The following CACNA1C variants were observed in gnomAD, a reference collection of about 807,000 sequenced individuals.
The protein encoded by CACNA1C is voltage-dependent L-type calcium channel subunit alpha-1C.
A neutral mutation model predicts 229.0 loss-of-function variants in CACNA1C; 30 were observed. The ratio of observed to expected loss-of-function variants is 0.13; its 90% CI spans 0.10 to 0.18. The LOEUF is 0.18. Ranked by LOEUF, CACNA1C falls within the 10% of genes least tolerant of loss-of-function variation. The pLI is 1.00. For synonymous variants in CACNA1C, 1,114 were observed against 1,132.5 expected (o/e 0.98, Z 0.33); for missense variants, 1,658 against 2,845.0 (o/e 0.58, Z 9.49).
intron 30 of CACNA1C, among the ~76,000 whole-genome samples, chr12:2,635,425 G>A (rs761063324): frequency 7.2e-5 from 11 of 152,172 alleles, no homozygotes; most frequent in Non-Finnish European, 1.2e-4. Flanking sequence ...ACTTGGTAAT[G>A]TTTGCATAGA....
chr12:2,553,712 C>T (rs557535400), intron 10 of CACNA1C, among the ~76,000 whole-genome samples: 18 of 152,142 alleles, frequency 1.2e-4, no homozygotes, highest in Non-Finnish European at 1.9e-4. Flanking sequence ...TGTGGTATCG[C>T]GGGCAACATT....
chr12:2,176,180 G>A (rs1201698709), intron 3 of CACNA1C, among the ~76,000 whole-genome samples: 1 of 152,126 alleles, frequency 6.6e-6, no homozygotes, highest in Admixed American at 6.5e-5. Flanking sequence ...CTCAGGAGGT[G>A]ACATTTAAGC....
At chr12:2,326,188 CA>C (rs2096283871) in intron 3 of CACNA1C, among the ~76,000 whole-genome samples, 1 of 151,864 alleles carries the variant, frequency 6.6e-6, no homozygotes, top group Non-Finnish European at 1.5e-5. Context: ...AGAGAGAGAG[CA>C]GAGAAATGGT....
At chr12:2,044,990 A>G (rs2050812959) in intron 1 of CACNA1C, among the ~76,000 whole-genome samples, 1 of 152,214 alleles carries the variant, frequency 6.6e-6, no homozygotes, top group African/African-American at 2.4e-5. Context: ...TTTATTATTC[A>G]TCCTTGGGTG....
intron 3 of CACNA1C, among the ~76,000 whole-genome samples, chr12:2,421,002 G>C (rs993092523): frequency 1.3e-5 from 2 of 152,060 alleles, no homozygotes; most frequent in Admixed American, 1.3e-4. Context: ...TTTTAAAATG[G>C]CCATAATAGC....
rs755167125 is a variant in CACNA1C, at chr12:2,566,471, G to T, written c.1558G>T (p.Ala520Ser). 2 of 1,595,588 alleles carry T rather than the reference G, an allele frequency of 1.3e-6. No homozygotes were observed. Among genetic ancestry groups the T allele is most frequent in the Non-Finnish European group, 1.7e-6 (2 of 1,171,044 alleles). ...GTTCTGCAGAAGGAAGTGCCGCGCC[G>T]CAGTCAAGTCTAATGTCTTCTACTG... ...NRFCRRKCRA[A>S]VKSNVFYWLV... The change falls in exon 12 of 47, where the codon GCA (alanine) becomes TCA (serine). Residue 520 changes from alanine (A) to serine (S), a missense_variant. This residue lies in a region of CACNA1C where 149 missense variants were observed against 194.2 expected (regional missense o/e 0.77). Coordinates refer to ENST00000399655, the MANE Select transcript of CACNA1C (RefSeq NM_000719.7). This position sits in a 1 kb window ranked among gnomAD's most constrained non-coding sequence, Gnocchi z 4.0.
At chr12:2,209,085 G>T (rs950570589) in intron 3 of CACNA1C, among the ~76,000 whole-genome samples, 2 of 152,180 alleles carry the variant, frequency 1.3e-5, no homozygotes, top group African/African-American at 4.8e-5. Flanking sequence ...TGTTTGTGCA[G>T]CACCTGGTAT....
At chr12:2,435,849 T>C (rs1002163120) in intron 3 of CACNA1C, among the ~76,000 whole-genome samples, 1 of 152,164 alleles carries the variant, frequency 6.6e-6, no homozygotes, top group Non-Finnish European at 1.5e-5. Context: ...GCACGCTTGC[T>C]GAATGGGACA....
intron 13 of CACNA1C, among the ~76,000 whole-genome samples, chr12:2,572,559 TC>T (rs1407463894): frequency 3.7e-5 from 2 of 54,216 alleles, no homozygotes; most frequent in Admixed American, 2.1e-4. Flanking sequence ...CTCCTCCTTC[TC>T]CTCTCCTCCT....
At chr12:2,320,339 A>G (rs2095914123) in intron 3 of CACNA1C, among the ~76,000 whole-genome samples, 1 of 152,206 alleles carries the variant, frequency 6.6e-6, no homozygotes. Flanking sequence ...TTTAATTCCC[A>G]TGTATTTGTT....
chr12:2,235,780 C>T lies in CACNA1C; in HGVS notation c.477+115350C>T, dbSNP rs540318609. 2.0e-5 allele frequency among the ~76,000 whole-genome samples: 3 copies of T among 152,280 alleles called. No homozygotes were observed. In the South Asian group the frequency reaches 6.2e-4, roughly 32 times the overall value. On this transcript the variant is annotated intron_variant, in intron 3 of 46. Coordinates refer to ENST00000399655, the MANE Select transcript of CACNA1C (RefSeq NM_000719.7). ...GCTGTCTCTGGCAGGCAGGTAGGAG[C>T]AGTCCGGTGCACCAGAGCTGTGGAA...
At chr12:2,312,474 C>CA (rs2154486407) in intron 3 of CACNA1C, among the ~76,000 whole-genome samples, 1 of 152,334 alleles carries the variant, frequency 6.6e-6, no homozygotes, top group Non-Finnish European at 1.5e-5. Context: ...CTCAGATCAA[C>CA]ACAAGGGCCA....
In CACNA1C at chr12:2,564,249, C is replaced by T. The variant is rs115210340; in HGVS notation, c.1509-2173C>T. On this transcript the variant is annotated intron_variant, in intron 11 of 46. Coordinates refer to ENST00000399655, the MANE Select transcript of CACNA1C (RefSeq NM_000719.7). ...ATGATACGCACTGTGATATTTTCCA[C>T]TCTATTCCTTTATTCAGTGCCAGGC... Among the ~76,000 whole-genome samples the T allele has an allele frequency of 4.8e-3, 732 of 152,302 alleles. 9 individuals are homozygous for T. Among genetic ancestry groups the T allele is most frequent in the African/African-American group, 0.017 (698 of 41,554 alleles).
At chr12:2,514,882 G>T (rs1305951613) in intron 9 of CACNA1C, among the ~76,000 whole-genome samples, 1 of 152,210 alleles carries the variant, frequency 6.6e-6, no homozygotes, top group African/African-American at 2.4e-5. Flanking sequence ...CCAGCATGGA[G>T]TATTATTTGC....
chr12:2,570,554 A>T (rs1435416551), intron 13 of CACNA1C, among the ~76,000 whole-genome samples: 1 of 152,372 alleles, frequency 6.6e-6, no homozygotes, highest in South Asian at 2.1e-4. Flanking sequence ...ACATATTCAC[A>T]TACTCTTGTT....
chr12:2,576,558 A>T (rs911100933), intron 13 of CACNA1C, among the ~76,000 whole-genome samples: 3 of 152,162 alleles, frequency 2.0e-5, no homozygotes, highest in Non-Finnish European at 4.4e-5. Flanking sequence ...CCAATGAGGA[A>T]AAAAGCTTCA....
At chr12:1,979,024 T>C (rs1383818282) in intron 1 of CACNA1C, among the ~76,000 whole-genome samples, 1 of 152,184 alleles carries the variant, frequency 6.6e-6, no homozygotes, top group Non-Finnish European at 1.5e-5. Context: ...TGTGTGGACA[T>C]GTGCTTTCGG....
chr12:2,270,779 C>T (rs1226547620), intron 3 of CACNA1C, among the ~76,000 whole-genome samples: 1 of 152,226 alleles, frequency 6.6e-6, no homozygotes, highest in African/African-American at 2.4e-5. Flanking sequence ...TGTATTGCCA[C>T]TATTCCAATT....
intron 3 of CACNA1C, among the ~76,000 whole-genome samples, chr12:2,387,544 A>G (rs1693652572): frequency 6.6e-6 from 1 of 152,118 alleles, no homozygotes; most frequent in Non-Finnish European, 1.5e-5. Context: ...AGCGAAAGAA[A>G]GAAAGAAAGA....
Sources: allele counts gnomAD v4.1 joint callset (sites outside exome capture counted in the v4.1 genomes callset), GRCh38; gene constraint gnomAD v4.1.1; regional missense constraint gnomAD v4.1.1; non-coding constraint Gnocchi (gnomAD v3.1); transcripts MANE v1.5; gene names NCBI Gene and HGNC (gene_info 2026-07-23, HGNC 2026-07-21).